Variants in BCR observed in about 807,000 individuals in gnomAD.
BCR encodes the protein BCR activator of RhoGEF and GTPase.
A neutral mutation model predicts 138.6 loss-of-function variants in BCR; 58 were observed. That is an observed-to-expected ratio of 0.42 (90% CI 0.34 to 0.52). BCR has a LOEUF of 0.52. Among genes scored for constraint, BCR ranks in the 20% least tolerant of loss-of-function variants. BCR has a pLI of 0.06. For synonymous variants in BCR, 786 were observed against 730.1 expected, an observed-to-expected ratio of 1.08 and a Z score of -1.23; for missense variants, 1,599 against 1,727.2, an observed-to-expected ratio of 0.93 and a Z score of 1.32.
rs146588912 is a variant in BCR at position 23,314,586 on chromosome 22, C to A, written c.3598C>A (p.Leu1200Met). Residue 1200 changes from leucine to methionine, a missense_variant, in exon 22 of 23, where the codon CTG (leucine) becomes ATG (methionine). By Grantham distance (15) the Leu-to-Met change is conservative. Coordinates refer to ENST00000305877, the MANE Select transcript of BCR (RefSeq NM_004327.4). ...GAAGGAGGCAGTCAATAAGATGTCC[C>A]TGCACAACCTCGCCACGGTCTTTGG... ...AEKEAVNKMS[L>M]HNLATVFGPT... 6.8e-6 allele frequency: 11 copies of A among 1,611,902 alleles called. No homozygotes were observed. In the African/African-American group the frequency reaches 1.5e-4, roughly 22 times the overall value.
Position 23,260,456 on chromosome 22 carries a change from G to A in BCR, c.1462-494G>A, listed in dbSNP as rs116557971. On this transcript the variant is annotated intron_variant, in intron 2 of 22. Coordinates refer to ENST00000305877, the MANE Select transcript of BCR (RefSeq NM_004327.4). ...GAGAAGGCGGTGCTGCCTGGGCCCC[G>A]TCAATCGAAGGGTCATGTGGCGGCA... 3.4e-3 allele frequency among the ~76,000 whole-genome samples: 521 copies of A among 152,284 alleles called. 4 individuals are homozygous for A. The highest frequency in any genetic ancestry group is 0.012 in the African/African-American group (487 of 41,554).
intron 1 of BCR, among the ~76,000 whole-genome samples, chr22:23,190,152 C>CT (rs1472473579): frequency 6.6e-6 from 1 of 152,120 alleles, no homozygotes; most frequent in Non-Finnish European, 1.5e-5. Context: ...TGGCATCTCT[C>CT]TGTGTCCAAA....
chr22:23,253,999 C>CGT lies in BCR; in HGVS notation c.1461+23_1461+24dup. The CGT allele has an allele frequency of 6.3e-7, 1 of 1,596,310 alleles. No homozygotes were observed. The highest frequency in any genetic ancestry group is 8.5e-7 in the Non-Finnish European group (1 of 1,169,860). On this transcript the variant is annotated intron_variant, in intron 2 of 22. Transcript: ENST00000305877. Reference sequence around the variant, plus strand: ...TAAAGCGGTGAGTCCCCATGGTGTACGTGTGGCAGGAGGGCCAGGTGAGGC... The same window carrying CGT: ...TAAAGCGGTGAGTCCCCATGGTGTACGTGTGTGGCAGGAGGGCCAGGTGAGGC...
At position 23,181,587 on chromosome 22, in the gene BCR, GATGGAGCGCAA is replaced by G; in HGVS notation, c.629_639del (p.Met210LysfsTer54). 6.2e-7 allele frequency: 1 copy of G among 1,612,842 alleles called. No homozygotes were observed. The highest frequency in any genetic ancestry group is 1.1e-5 in the South Asian group (1 of 91,082). On this transcript the variant is annotated frameshift_variant, in exon 1 of 23. Transcript: ENST00000305877. LOFTEE classifies it high-confidence loss of function. Reference sequence around the variant, plus strand: ...GCTCCCTGGGCAGCCAGGCCATGCAGATGGAGCGCAAAAAGTCCCAGCACGGCGCGGGCTCG... The same window carrying G: ...GCTCCCTGGGCAGCCAGGCCATGCAGAAAGTCCCAGCACGGCGCGGGCTCG...
At position 23,297,212 on chromosome 22, in the gene BCR, T is replaced by G. The variant is rs918498091; in HGVS notation, c.3012+2057T>G. Among the ~76,000 whole-genome samples, 438 of 112,352 alleles carry G rather than the reference T, an allele frequency of 3.9e-3. 8 individuals are homozygous for G. Among genetic ancestry groups the G allele is most frequent in the African/African-American group, 0.017 (422 of 24,380 alleles). 73.7% of individuals were successfully genotyped at this position (112,352 alleles called of 152,430 possible). On this transcript the variant is annotated intron_variant, in intron 16 of 22. Transcript: ENST00000305877. ...CCACCATGCCTGGCTAAGTTGTTTT[T>G]TGTTTTTTGTTTTTTTTTTTTTTTT...
Position 23,285,490 on chromosome 22 carries a change from G to A in BCR, c.2406+289G>A, listed in dbSNP as rs139687211. ...GTGGTCTCTACAGTGCGCCTTTCAC[G>A]GGATACTTCTTAGACCTGGTGGACT... is the stretch of plus-strand genomic sequence containing the variant. On this transcript the variant is annotated intron_variant, in intron 10 of 22. Transcript: ENST00000305877. Among the ~76,000 whole-genome samples, 304 of 152,272 alleles carry A rather than the reference G, an allele frequency of 2.0e-3. 5 individuals carry two copies. The highest frequency in any genetic ancestry group is 0.019 in the East Asian group (96 of 5,180).
At chr22:23,191,136 G>A (rs2072408397) in intron 1 of BCR, among the ~76,000 whole-genome samples, 1 of 152,076 alleles carries the variant, frequency 6.6e-6, no homozygotes, top group Non-Finnish European at 1.5e-5. Flanking sequence ...TTGCTTTGTT[G>A]CCCAGGCTGG....
chr22:23,305,658 T>C (rs131689), intron 16 of BCR, among the ~76,000 whole-genome samples: 118,028 of 152,186 alleles, frequency 0.78, 46,774 homozygotes, highest in East Asian at 1. Context: ...GGCAGACCTC[T>C]AGGCCACCAT....
rs771906646 is a variant in BCR at position 23,181,082 on chromosome 22, C to T, written c.122C>T (p.Ser41Phe). The T allele has an allele frequency of 1.5e-5, 22 of 1,516,696 alleles. No homozygotes were observed. Among genetic ancestry groups the T allele is most frequent in the Non-Finnish European group, 2.0e-5 (22 of 1,126,456 alleles). The allele number at this position is 1,516,696 out of a possible 1,614,324, so 94.0% of individuals were successfully genotyped here. A position where few individuals can be genotyped will look rare whatever the true frequency, so the allele number is the denominator to read the frequency against. ...IEQELERCKA[S>F]IRRLEQEVNQ... ...CAGGAGCTGGAGCGCTGCAAGGCCT[C>T]CATTCGGCGCCTGGAGCAGGAGGTG... The change falls in exon 1 of 23, where the codon TCC (serine) becomes TTC (phenylalanine). Residue 41 changes from serine (S) to phenylalanine (F), a missense_variant. Ser to Phe is a radical substitution (Grantham distance 155). Around this residue, in one of 4 missense-constraint regions of BCR, gnomAD observed 806 missense variants for 635.0 expected, o/e 1.27. Coordinates refer to ENST00000305877, the MANE Select transcript of BCR (RefSeq NM_004327.4).
chr22:23,247,974 T>G (rs1051027355), intron 1 of BCR, among the ~76,000 whole-genome samples: 1 of 152,216 alleles, frequency 6.6e-6, no homozygotes, highest in Admixed American at 6.5e-5. Flanking sequence ...CAGTGGACAT[T>G]GGGTTCTTTC....
rs773827153 is a variant in BCR, at chr22:23,261,054, G to A, written c.1566G>A (p.Leu522=). 6.2e-7 allele frequency: 1 copy of A among 1,613,308 alleles called. No homozygotes were observed. Among genetic ancestry groups the A allele is most frequent in the South Asian group, 1.1e-5 (1 of 91,030 alleles). The change falls in exon 3 of 23, where the codon CTG becomes CTA. Residue 522 remains leucine (L), a splice_region_variant and synonymous_variant. Coordinates refer to ENST00000305877, the MANE Select transcript of BCR (RefSeq NM_004327.4). Reference sequence around the variant, plus strand: ...TGAGCCACCTGGAGGCACTGCTGCTGGTGAGGAGGATTTAGGGAGCTGAGC... The same window carrying A: ...TGAGCCACCTGGAGGCACTGCTGCTAGTGAGGAGGATTTAGGGAGCTGAGC... ...TYLSHLEALL[L]PMKPLKAAAT...
Position 23,278,220 on chromosome 22 carries a change from G to C in BCR, c.2115+4446G>C, listed in dbSNP as rs192678874. Among the ~76,000 whole-genome samples, 78 of 152,324 alleles carry C rather than the reference G, an allele frequency of 5.1e-4. 2 individuals carry two copies. Among genetic ancestry groups the C allele is most frequent in the South Asian group, 4.8e-3 (23 of 4,826 alleles). ...GCGGACGATCCAGTTTGGATGTTCT[G>C]TTTCCCAAGAGCCAGCCAGGCATTG... On this transcript the variant is annotated intron_variant, in intron 8 of 22. Coordinates refer to ENST00000305877, the MANE Select transcript of BCR (RefSeq NM_004327.4).
At chr22:23,294,896 A>T in intron 15 of BCR, 128 bp from the exon 16 acceptor site, 1 of 1,188,790 alleles carries the variant, frequency 8.4e-7, no homozygotes. Flanking sequence ...CTAAGGGAGG[A>T]GGGTCTCAGG....
At chr22:23,302,074 GC>G (rs1180536539) in intron 16 of BCR, among the ~76,000 whole-genome samples, 5 of 151,878 alleles carry the variant, frequency 3.3e-5, no homozygotes, top group Non-Finnish European at 7.4e-5. Context: ...AATTTCTAGA[GC>G]CCCCCCACCG....
intron 2 of BCR, among the ~76,000 whole-genome samples, chr22:23,260,477 C>T (rs147488569): frequency 1.3e-3 from 195 of 152,218 alleles, no homozygotes; most frequent in African/African-American, 4.6e-3. Flanking sequence ...GGTCATGTGG[C>T]GGCAGCAGTC....
rs1009312614 is a variant in BCR at position 23,180,791 on chromosome 22, C to T, written c.-170C>T. 21 of 218,790 alleles carry T rather than the reference C, an allele frequency of 9.6e-5. No homozygotes were observed. Among genetic ancestry groups the T allele is most frequent in the Non-Finnish European group, 6.8e-5 (9 of 133,006 alleles). The allele number at this position is 218,790 out of a possible 1,614,324, so 13.6% of individuals were successfully genotyped here. ...GCCCCGCCCCGCGCGCCGAGCGCCC[C>T]GCTCCGCCTCACCTGCCACCAGGGA... is the stretch of plus-strand genomic sequence containing the variant. On this transcript the variant is annotated 5_prime_UTR_variant, in exon 1 of 23. Coordinates refer to ENST00000305877, the MANE Select transcript of BCR (RefSeq NM_004327.4).
At chr22:23,182,680 G>T (rs897478858) in intron 1 of BCR, among the ~76,000 whole-genome samples, 1 of 152,134 alleles carries the variant, frequency 6.6e-6, no homozygotes, top group African/African-American at 2.4e-5. Flanking sequence ...GGCATTCCCC[G>T]CCACCCCACT....
intron 1 of BCR, among the ~76,000 whole-genome samples, chr22:23,216,096 T>C (rs1415748949): frequency 6.6e-6 from 1 of 152,198 alleles, no homozygotes; most frequent in African/African-American, 2.4e-5. Flanking sequence ...GGATAGGTGC[T>C]CCGAGTTCTT....
At chr22:23,272,951 C>T (rs1429110457) in intron 6 of BCR, 130 bp from the exon 7 acceptor site, 11 of 948,096 alleles carry the variant, frequency 1.2e-5, no homozygotes, top group South Asian at 4.3e-5. Flanking sequence ...CTTGTCACTG[C>T]GCAGAGGGGA....
Sources: allele counts gnomAD v4.1 joint callset (sites outside exome capture counted in the v4.1 genomes callset), GRCh38; gene constraint gnomAD v4.1.1; regional missense constraint gnomAD v4.1.1; transcripts MANE v1.5; gene names NCBI Gene and HGNC (gene_info 2026-07-23, HGNC 2026-07-21).